The following ZDHHC3 variants were observed in gnomAD, a reference collection of about 807,000 sequenced individuals.
ZDHHC3 encodes the protein zDHHC palmitoyltransferase 3, also known as palmitoyltransferase ZDHHC3.
A neutral mutation model predicts 30.6 loss-of-function variants in ZDHHC3; 9 were observed. The observed-to-expected ratio is 0.29, with a 90% CI of 0.18 to 0.51. The LOEUF (loss-of-function observed/expected upper bound fraction) is 0.51, where lower values mean the gene tolerates loss of function less well. ZDHHC3 is among the 20% of genes least tolerant of loss of function. ZDHHC3 has a pLI of 0.97. For missense variants in ZDHHC3, 246 were observed against 384.2 expected (o/e 0.64, Z 3.01); for synonymous variants, 136 against 140.2 (o/e 0.97, Z 0.21).
intron 3 of ZDHHC3, among the ~76,000 whole-genome samples, chr3:44,934,508 G>C (rs1279307932): frequency 6.7e-6 from 1 of 150,032 alleles, no homozygotes; most frequent in African/African-American, 2.5e-5. Flanking sequence ...TCAGAGCAAG[G>C]TCAAGGACAG....
At chr3:44,953,918 ACC>A (rs1703695043) in intron 2 of ZDHHC3, among the ~76,000 whole-genome samples, 1 of 152,170 alleles carries the variant, frequency 6.6e-6, no homozygotes, top group African/African-American at 2.4e-5. Flanking sequence ...TGCATCCAGC[ACC>A]TGGCCTGCTG....
At position 44,922,282 on chromosome 3, in the gene ZDHHC3, G is replaced by T; in HGVS notation, c.*4407C>A. 5 of 985,444 alleles carry T rather than the reference G, an allele frequency of 5.1e-6. No individual in the cohort carries two copies. The highest frequency in any genetic ancestry group is 6.0e-6 in the Non-Finnish European group (5 of 829,942). The allele number at this position is 985,444 out of a possible 1,614,324, so 61.0% of individuals were successfully genotyped here. On this transcript the variant is annotated 3_prime_UTR_variant, in exon 7 of 7. Transcript: ENST00000424952. ...TATCCAGGCTGCTACAATGCCCCTG[G>T]CTCTAGACTACTCACCGGCCGCCGC...
rs1700759625 is a variant in ZDHHC3, at chr3:44,923,532, T to G, written c.*3157A>C. The G allele has an allele frequency of 1.0e-6, 1 of 985,400 alleles. No homozygotes were observed. Among genetic ancestry groups the G allele is most frequent in the Non-Finnish European group, 1.2e-6 (1 of 829,918 alleles). 61.0% of individuals were successfully genotyped at this position (985,400 alleles called of 1,614,324 possible). On this transcript the variant is annotated 3_prime_UTR_variant, in exon 7 of 7. Coordinates refer to ENST00000424952, the MANE Select transcript of ZDHHC3 (RefSeq NM_001135179.2). ...TCAAGAAGTACAGGGCTGGGCCCAG[T>G]GGCTCACGCCTGTAATCCCAGGACT...
chr3:44,945,451 A>G (rs1702834265), intron 2 of ZDHHC3, 159 bp from the exon 3 acceptor site: 6 of 1,068,656 alleles, frequency 5.6e-6, no homozygotes, highest in Non-Finnish European at 7.9e-6. Flanking sequence ...GAATTATGCC[A>G]ACATTAAGGA....
At chr3:44,931,213 A>C (rs1051672967) in intron 5 of ZDHHC3, among the ~76,000 whole-genome samples, 1 of 152,216 alleles carries the variant, frequency 6.6e-6, no homozygotes, top group African/African-American at 2.4e-5. Flanking sequence ...TTAAGAATTC[A>C]TGAAAGAACA....
Position 44,923,244 on chromosome 3 carries a change from T to C in ZDHHC3, c.*3445A>G. 1.2e-6 allele frequency: 1 copy of C among 863,582 alleles called. No homozygotes were observed. The highest frequency in any genetic ancestry group is 1.4e-6 in the Non-Finnish European group (1 of 719,306). 53.5% of individuals were successfully genotyped at this position (863,582 alleles called of 1,614,324 possible). A position where few individuals can be genotyped will look rare whatever the true frequency, so the allele number is the denominator to read the frequency against. ...ACGCCTGCCACCACGCCCAGCTAAT[T>C]TTTTTATATTTTTAGTAGAGACAGG... is the stretch of plus-strand genomic sequence containing the variant. On this transcript the variant is annotated 3_prime_UTR_variant, in exon 7 of 7. Transcript: ENST00000424952.
At chr3:44,965,040 A>G (rs1003513260) in intron 1 of ZDHHC3, among the ~76,000 whole-genome samples, 42 of 152,278 alleles carry the variant, frequency 2.8e-4, no homozygotes, top group African/African-American at 9.4e-4. Flanking sequence ...GGAGCTCCCT[A>G]GTGCCAGCAA....
At chr3:44,928,206 A>G (rs1701170239) in intron 6 of ZDHHC3, among the ~76,000 whole-genome samples, 1 of 152,222 alleles carries the variant, frequency 6.6e-6, no homozygotes, top group Admixed American at 6.5e-5. Flanking sequence ...TTTTGCAATG[A>G]CATCATTTCT....
chr3:44,954,466 C>T (rs1030681329), intron 2 of ZDHHC3, among the ~76,000 whole-genome samples: 4 of 152,100 alleles, frequency 2.6e-5, no homozygotes, highest in Admixed American at 2.6e-4. Context: ...TTCAATACGG[C>T]GTAGGTGTGC....
chr3:44,961,445 T>C (rs982802795), intron 1 of ZDHHC3, among the ~76,000 whole-genome samples: 1 of 152,182 alleles, frequency 6.6e-6, no homozygotes, highest in Non-Finnish European at 1.5e-5. Flanking sequence ...TGGTTCCTGG[T>C]GGTCCATCAA....
At chr3:44,944,172 G>T (rs562692210) in intron 3 of ZDHHC3, among the ~76,000 whole-genome samples, 10 of 151,418 alleles carry the variant, frequency 6.6e-5, no homozygotes, top group Non-Finnish European at 1.3e-4. Context: ...TTTTTGAGAT[G>T]GAGTTTCACT....
chr3:44,959,473 G>C lies in ZDHHC3; in HGVS notation c.-24-13C>G. 1.3e-6 allele frequency: 2 copies of C among 1,585,284 alleles called. No individual in the cohort carries two copies. The highest frequency in any genetic ancestry group is 1.7e-6 in the Non-Finnish European group (2 of 1,162,294). ...TCCATACTGGCATCTGAAAGAGAGA[G>C]GAAAGAATCCAGAAACTTGGTGTTG... On this transcript the variant is annotated splice_polypyrimidine_tract_variant and intron_variant, in intron 1 of 6. Transcript: ENST00000424952. This position sits in a 1 kb window ranked among gnomAD's most constrained non-coding sequence, Gnocchi z 4.3.
chr3:44,952,366 A>C (rs1430857568), intron 2 of ZDHHC3, among the ~76,000 whole-genome samples: 1 of 152,130 alleles, frequency 6.6e-6, no homozygotes. Context: ...GCCCCAGACT[A>C]TTAGAGCATC....
chr3:44,928,773 G>C (rs762204417), intron 6 of ZDHHC3, among the ~76,000 whole-genome samples: 16 of 152,172 alleles, frequency 1.1e-4, no homozygotes. Flanking sequence ...GGCAGCGGAT[G>C]AGGACCAGGG....
chr3:44,953,624 G>A (rs901253036), intron 2 of ZDHHC3, among the ~76,000 whole-genome samples: 1 of 152,166 alleles, frequency 6.6e-6, no homozygotes, highest in African/African-American at 2.4e-5. Flanking sequence ...GCTCTCCCAG[G>A]AGCATGGTAA....
At position 44,975,978 on chromosome 3, in the gene ZDHHC3, C is replaced by CCCG. The variant is rs1166945073; in HGVS notation, c.-73_-71dup. The stretch of plus-strand genomic sequence containing the variant: ...CCCAGTCCCAGACCCCGGTGGGGCT[C>CCCG]CCGCCGCCGCCGCCGCTGCCTTCCC... On this transcript the variant is annotated 5_prime_UTR_variant, in exon 1 of 7. Transcript: ENST00000424952. The CCCG allele has an allele frequency of 1.6e-5, 5 of 316,494 alleles. No individual in the cohort carries two copies. Among genetic ancestry groups the CCCG allele is most frequent in the Non-Finnish European group, 1.7e-5 (3 of 174,976 alleles). The allele number at this position is 316,494 out of a possible 1,614,324, so 19.6% of individuals were successfully genotyped here.
rs184119194 is a variant in ZDHHC3 at position 44,930,741 on chromosome 3, T to G, written c.611-1305A>C. 2.0e-5 allele frequency among the ~76,000 whole-genome samples: 3 copies of G among 152,330 alleles called. No individual in the cohort carries two copies. The East Asian group carries it at 5.8e-4, about 29-fold the overall frequency. On this transcript the variant is annotated intron_variant, in intron 5 of 6. Transcript: ENST00000424952. ...CTCCTCAGGTTTCCCTGGGAACTTA[T>G]CGATGCCTCAGAATGATTTCTCTTC...
chr3:44,961,096 T>C (rs1007453238), intron 1 of ZDHHC3, among the ~76,000 whole-genome samples: 3 of 152,194 alleles, frequency 2.0e-5, no homozygotes, highest in East Asian at 3.9e-4. Flanking sequence ...CACATAGAGA[T>C]AGAATAACCA....
intron 3 of ZDHHC3, among the ~76,000 whole-genome samples, chr3:44,939,434 C>A (rs1431401154): frequency 6.6e-6 from 1 of 152,248 alleles, no homozygotes; most frequent in Non-Finnish European, 1.5e-5. Context: ...AGGTGCCATG[C>A]TCCCACCATA....
Sources: gnomAD v4.1 joint callset for allele counts (sites outside exome capture counted in the v4.1 genomes callset) on GRCh38, gnomAD v4.1.1 for gene constraint, Gnocchi (gnomAD v3.1) non-coding constraint, MANE v1.5 for transcripts, NCBI Gene and HGNC (gene_info 2026-07-23, HGNC 2026-07-21) for gene names.